Variants in BMPER observed in about 807,000 individuals in gnomAD.
BMPER encodes BMP binding endothelial regulator, also known as BMP-binding endothelial regulator protein.
A neutral mutation model predicts 87.3 loss-of-function variants in BMPER; 45 were observed. The observed-to-expected ratio is 0.52, with a 90% CI of 0.41 to 0.66. The LOEUF (loss-of-function observed/expected upper bound fraction) is 0.66, where lower values mean the gene tolerates loss of function less well. Ranked by LOEUF, BMPER falls within the 30% of genes least tolerant of loss-of-function variation. BMPER has a pLI of 0.00. For synonymous variants in BMPER, 326 were observed against 316.2 expected (o/e 1.03, Z -0.33); for missense variants, 784 against 867.5 (o/e 0.90, Z 1.21).
At chr7:34,052,057 T>A in intron 8 of BMPER, 87 bp downstream of exon 8, 1 of 1,196,132 alleles carries the variant, frequency 8.4e-7, no homozygotes, top group Non-Finnish European at 1.2e-6. Flanking sequence ...AAGCCAATGG[T>A]GTGTTATTTA....
At chr7:33,996,509 G>T (rs992413003) in intron 6 of BMPER, among the ~76,000 whole-genome samples, 1 of 152,134 alleles carries the variant, frequency 6.6e-6, no homozygotes, top group Non-Finnish European at 1.5e-5. Flanking sequence ...CATACAGAAG[G>T]CTATGCATAG....
chr7:33,947,583 C>T (rs1347441093), intron 3 of BMPER, among the ~76,000 whole-genome samples: 1 of 152,018 alleles, frequency 6.6e-6, no homozygotes, highest in Non-Finnish European at 1.5e-5. Flanking sequence ...GAGAAAAAGG[C>T]AAAATATAAA....
chr7:34,116,987 C>G (rs751511737), intron 13 of BMPER, among the ~76,000 whole-genome samples: 20 of 149,052 alleles, frequency 1.3e-4, no homozygotes, highest in Non-Finnish European at 2.5e-4. Context: ...GAGACCCTGT[C>G]TCCGAAAAAA....
intron 13 of BMPER, among the ~76,000 whole-genome samples, chr7:34,099,804 T>C (rs1789628676): frequency 2.6e-5 from 4 of 152,196 alleles, no homozygotes; most frequent in Admixed American, 2.6e-4. Context: ...AGAAAGAAAC[T>C]GATTTTTTTT....
In BMPER at chr7:34,037,239, G is replaced by T. The variant is rs530792896; in HGVS notation, c.577-9067G>T. Among the ~76,000 whole-genome samples, 16 of 152,176 alleles carry T rather than the reference G, an allele frequency of 1.1e-4. No homozygotes were observed. The South Asian group carries it at 1.7e-3, about 16-fold the overall frequency. ...CAAAAAAGGGATTAGTGGAACTATG[G>T]TAAAGACATTTCCATCATGTATTTA... is the stretch of plus-strand genomic sequence containing the variant. On this transcript the variant is annotated intron_variant, in intron 6 of 14. Coordinates refer to ENST00000649409, the MANE Select transcript of BMPER (RefSeq NM_001365308.1).
intron 3 of BMPER, chr7:33,939,985 T>TG (rs1050929175): frequency 2.0e-5 from 6 of 298,334 alleles, no homozygotes; most frequent in African/African-American, 1.3e-4. Flanking sequence ...GACACAGTCC[T>TG]GTTCACTCTT....
At chr7:34,141,526 C>T (rs1360952460) in intron 13 of BMPER, among the ~76,000 whole-genome samples, 3 of 141,712 alleles carry the variant, frequency 2.1e-5, no homozygotes, top group Non-Finnish European at 4.5e-5. Context: ...AAGAATATTG[C>T]TTGAACCCAA....
chr7:34,152,356 A>T (rs1157616953), intron 14 of BMPER, among the ~76,000 whole-genome samples: 1 of 152,206 alleles, frequency 6.6e-6, no homozygotes, highest in Non-Finnish European at 1.5e-5. Flanking sequence ...TGTGTGTCAG[A>T]AAACTTCCAG....
At chr7:33,934,916 G>A (rs1784566264) in intron 2 of BMPER, among the ~76,000 whole-genome samples, 1 of 152,160 alleles carries the variant, frequency 6.6e-6, no homozygotes, top group Admixed American at 6.5e-5. Flanking sequence ...ATTCTCTTGG[G>A]GTGGGAGAGT....
intron 13 of BMPER, among the ~76,000 whole-genome samples, chr7:34,117,851 G>A: frequency 6.6e-6 from 1 of 152,134 alleles, no homozygotes; most frequent in African/African-American, 2.4e-5. Context: ...GCCATCCTAA[G>A]GGAATGGAAA....
At chr7:33,933,175 A>T (rs547770382) in intron 2 of BMPER, among the ~76,000 whole-genome samples, 2 of 152,230 alleles carry the variant, frequency 1.3e-5, no homozygotes, top group East Asian at 1.9e-4. Flanking sequence ...GTTGATTTTT[A>T]AAAAATGTTT....
At chr7:33,982,160 T>C (rs1785881558) in intron 6 of BMPER, among the ~76,000 whole-genome samples, 2 of 152,242 alleles carry the variant, frequency 1.3e-5, no homozygotes, top group African/African-American at 4.8e-5. Flanking sequence ...CCAACTGTGC[T>C]GTTTCTCCTT....
chr7:33,929,828 G>A (rs1449237300), intron 2 of BMPER, among the ~76,000 whole-genome samples: 2 of 152,120 alleles, frequency 1.3e-5, no homozygotes, highest in Non-Finnish European at 2.9e-5. Flanking sequence ...AGCATGGTGG[G>A]GCATATAATA....
intron 14 of BMPER, among the ~76,000 whole-genome samples, chr7:34,146,494 T>C (rs1271282344): frequency 6.6e-6 from 1 of 152,218 alleles, no homozygotes; most frequent in Non-Finnish European, 1.5e-5. Context: ...AGTGAAAGTA[T>C]ATAAAAGTTT....
chr7:34,116,778 T>C (rs898905453), intron 13 of BMPER, among the ~76,000 whole-genome samples: 5 of 152,016 alleles, frequency 3.3e-5, no homozygotes, highest in African/African-American at 1.2e-4. Context: ...TCACCTGAGG[T>C]CAGGAGTTTG....
chr7:34,062,026 T>C lies in BMPER; in HGVS notation c.1057T>C (p.Cys353Arg). ...PQGKILNRKG[C>R]CPICTEKPGV... is the part of the protein sequence containing the mutation. ...GGGCAAAATTCTCAACAGAAAAGGA[T>C]GCTGTCCTATTTGCACTGAAAGTAA... The change falls in exon 11 of 15, where the codon TGC becomes CGC. Residue 353 changes from cysteine to arginine, a missense_variant. Coordinates refer to ENST00000649409, the MANE Select transcript of BMPER (RefSeq NM_001365308.1). 1 of 1,611,102 alleles carries C rather than the reference T, an allele frequency of 6.2e-7. No homozygotes were observed. The highest frequency in any genetic ancestry group is 1.1e-5 in the South Asian group (1 of 90,908).
intron 3 of BMPER, among the ~76,000 whole-genome samples, chr7:33,942,748 C>G (rs1308828705): frequency 1.3e-5 from 2 of 152,136 alleles, no homozygotes; most frequent in Non-Finnish European, 2.9e-5. Flanking sequence ...AATCTCTTTA[C>G]CTTTTGTAGT....
chr7:33,970,449 A>G, intron 5 of BMPER, 30 bp downstream of exon 5: 1 of 1,599,534 alleles, frequency 6.3e-7, no homozygotes, highest in Non-Finnish European at 8.6e-7. Flanking sequence ...GAGGCTGGAA[A>G]TCTCTGTGTG....
chr7:34,148,529 GC>G (rs1554326296), intron 14 of BMPER, among the ~76,000 whole-genome samples: 2 of 102,712 alleles, frequency 1.9e-5, no homozygotes, highest in African/African-American at 3.0e-5. Flanking sequence ...TAGATACTCA[GC>G]AGATGTTTAT....
Sources: gnomAD v4.1 joint callset for allele counts (sites outside exome capture counted in the v4.1 genomes callset) on GRCh38, gnomAD v4.1.1 for gene constraint, MANE v1.5 for transcripts, NCBI Gene and HGNC (gene_info 2026-07-23, HGNC 2026-07-21) for gene names.